Variants in DENND1B observed in about 807,000 individuals in gnomAD.
The protein encoded by DENND1B is DENN domain containing 1B, also known as DENN domain-containing protein 1B.
In DENND1B, 59 loss-of-function variants were observed where a neutral mutation model predicts 90.1. The observed-to-expected ratio is 0.65, with a 90% CI of 0.53 to 0.81. The LOEUF is 0.81. DENND1B is among the 40% of genes least tolerant of loss of function. DENND1B has a pLI of 0.00. For missense variants in DENND1B, 862 were observed against 912.6 expected (o/e 0.94, Z 0.71); for synonymous variants, 337 against 324.6 (o/e 1.04, Z -0.41).
At chr1:197,688,901 G>C (rs1248652236) in intron 3 of DENND1B, 6 of 215,096 alleles carry the variant, frequency 2.8e-5, no homozygotes, top group African/African-American at 1.4e-4. Context: ...CAAGACTGCT[G>C]AGATGGGAAA....
chr1:197,618,821 C>A (rs1012611424), intron 10 of DENND1B, among the ~76,000 whole-genome samples: 2 of 150,990 alleles, frequency 1.3e-5, no homozygotes, highest in African/African-American at 2.4e-5. Flanking sequence ...AAACCGTTTT[C>A]TCTATTATTA....
At position 197,645,691 on chromosome 1, in the gene DENND1B, C is replaced by A. The variant is rs1432429069; in HGVS notation, c.560G>T (p.Ser187Ile). The A allele has an allele frequency of 6.5e-7, 1 of 1,540,584 alleles. No individual in the cohort carries two copies. The highest frequency in any genetic ancestry group is 8.8e-7 in the Non-Finnish European group (1 of 1,142,336). ...DVTGLPTIPE[S>I]RNLTEYFVAV... Reference sequence around the variant, plus strand: ...TAAAGTAGAAAATAGGAAACTTACACTCTCGGGTATTGTTGGGAGTCCAGT... The same window carrying A: ...TAAAGTAGAAAATAGGAAACTTACAATCTCGGGTATTGTTGGGAGTCCAGT... The change falls in exon 9 of 23, where the codon AGT becomes ATT. Residue 187 changes from serine (S) to isoleucine (I), a missense_variant and splice_region_variant. Physicochemically the swap from Ser to Ile is moderately radical, Grantham distance 142. Coordinates refer to ENST00000620048, the MANE Select transcript of DENND1B (RefSeq NM_001195215.2).
At position 197,617,650 on chromosome 1, in the gene DENND1B, C is replaced by T; in HGVS notation, c.773+9G>A. The stretch of plus-strand genomic sequence containing the variant: ...TAAACTTAAAGGAGTCTGGCAAAAG[C>T]CAGCTTACCAGCAGTAGTCCAGCAG... On this transcript the variant is annotated intron_variant, in intron 11 of 22. Coordinates refer to ENST00000620048, the MANE Select transcript of DENND1B (RefSeq NM_001195215.2). The T allele has an allele frequency of 6.2e-7, 1 of 1,602,062 alleles. No individual in the cohort carries two copies. The highest frequency in any genetic ancestry group is 8.5e-7 in the Non-Finnish European group (1 of 1,170,986).
chr1:197,705,649 A>T (rs1241231263), intron 3 of DENND1B, among the ~76,000 whole-genome samples: 1 of 4,266 alleles, frequency 2.3e-4, no homozygotes, highest in Non-Finnish European at 3.7e-4. Flanking sequence ...GTAGAAATTT[A>T]AAAAAAAAAA....
chr1:197,541,090 A>G, intron 18 of DENND1B, 75 bp from the exon 19 acceptor site: 1 of 1,253,138 alleles, frequency 8.0e-7, no homozygotes, highest in Non-Finnish European at 1.1e-6. Context: ...ACAAGATCAA[A>G]TTTAATGACA....
At chr1:197,773,988 G>C (rs945948236) in intron 1 of DENND1B, among the ~76,000 whole-genome samples, 2 of 152,084 alleles carry the variant, frequency 1.3e-5, no homozygotes, top group South Asian at 2.1e-4. Flanking sequence ...TTTCTTATAA[G>C]ATATGAATCT....
At chr1:197,524,176 T>A (rs1356791008) in intron 20 of DENND1B, among the ~76,000 whole-genome samples, 1 of 152,082 alleles carries the variant, frequency 6.6e-6, no homozygotes, top group Non-Finnish European at 1.5e-5. Flanking sequence ...CTGAGGGATA[T>A]TAGAAACCAG....
intron 15 of DENND1B, among the ~76,000 whole-genome samples, chr1:197,577,326 T>G (rs949068790): frequency 6.6e-6 from 1 of 152,170 alleles, no homozygotes; most frequent in Admixed American, 6.5e-5. Context: ...ATAAATGTTT[T>G]GGAAAAATGC....
At chr1:197,666,896 G>T (rs957044687) in intron 5 of DENND1B, among the ~76,000 whole-genome samples, 1 of 152,096 alleles carries the variant, frequency 6.6e-6, no homozygotes. Context: ...AGTGGCTCAC[G>T]CCTGTAATCC....
chr1:197,736,522 C>T (rs1179521109), intron 2 of DENND1B, among the ~76,000 whole-genome samples: 3 of 152,102 alleles, frequency 2.0e-5, no homozygotes, highest in Admixed American at 2.0e-4. Context: ...ATAATTTGTA[C>T]AGACAGGGTC....
chr1:197,515,352 G>A (rs1668322774), intron 20 of DENND1B, among the ~76,000 whole-genome samples: 1 of 151,654 alleles, frequency 6.6e-6, no homozygotes, highest in Admixed American at 6.6e-5. Context: ...ACAGAAATCT[G>A]CAGAGTAGCC....
intron 2 of DENND1B, among the ~76,000 whole-genome samples, chr1:197,762,678 T>C (rs1314840884): frequency 6.6e-6 from 1 of 152,180 alleles, no homozygotes; most frequent in Non-Finnish European, 1.5e-5. Flanking sequence ...TGCTATTTTG[T>C]GTCTTTTGAC....
Position 197,673,774 on chromosome 1 carries a change from C to T in DENND1B, c.176+346G>A, listed in dbSNP as rs566015294. On this transcript the variant is annotated intron_variant, in intron 4 of 22. Coordinates refer to ENST00000620048, the MANE Select transcript of DENND1B (RefSeq NM_001195215.2). ...AGTGAGATAGAAACCAGGAAACATA[C>T]ATCAAGACATAATTCTAAGACTCCA... Among the ~76,000 whole-genome samples, 4 of 152,162 alleles carry T rather than the reference C, an allele frequency of 2.6e-5. No individual in the cohort carries two copies. The East Asian group carries it at 7.7e-4, about 29-fold the overall frequency.
At chr1:197,725,722 T>C in intron 2 of DENND1B, among the ~76,000 whole-genome samples, 1 of 151,058 alleles carries the variant, frequency 6.6e-6, no homozygotes, top group Non-Finnish European at 1.5e-5. Context: ...GTCAGAGAGT[T>C]AAGGGGGAAC....
At chr1:197,756,957 T>C (rs1280720464) in intron 2 of DENND1B, among the ~76,000 whole-genome samples, 3 of 150,662 alleles carry the variant, frequency 2.0e-5, no homozygotes, top group African/African-American at 4.9e-5. Context: ...TGATATACTG[T>C]GACACTATGC....
chr1:197,634,273 C>A (rs1292256994), intron 10 of DENND1B, among the ~76,000 whole-genome samples: 1 of 152,120 alleles, frequency 6.6e-6, no homozygotes, highest in Admixed American at 6.6e-5. Flanking sequence ...TTTTTAAATT[C>A]TTTATATTAA....
chr1:197,607,681 A>C (rs1304305583), intron 12 of DENND1B, among the ~76,000 whole-genome samples: 2 of 150,746 alleles, frequency 1.3e-5, no homozygotes, highest in African/African-American at 4.8e-5. Flanking sequence ...TGAATAAGAG[A>C]GAATAAAAGG....
chr1:197,671,413 T>A (rs149832761), intron 5 of DENND1B, among the ~76,000 whole-genome samples: 64 of 152,292 alleles, frequency 4.2e-4, no homozygotes, highest in African/African-American at 1.5e-3. Flanking sequence ...GCAGGACAGA[T>A]AGGACCTTTG....
chr1:197,581,606 T>C (rs1331121143), intron 15 of DENND1B, among the ~76,000 whole-genome samples: 1 of 152,180 alleles, frequency 6.6e-6, no homozygotes, highest in East Asian at 1.9e-4. Flanking sequence ...TATGTACTCA[T>C]GTAAAACAGA....
Sources: gnomAD v4.1 joint callset for allele counts (sites outside exome capture counted in the v4.1 genomes callset) on GRCh38, gnomAD v4.1.1 for gene constraint, MANE v1.5 for transcripts, NCBI Gene and HGNC (gene_info 2026-07-23, HGNC 2026-07-21) for gene names.